Variants in PLS1 observed in about 807,000 individuals in gnomAD.
The protein encoded by PLS1 is plastin-1.
Under a neutral mutation model 73.7 loss-of-function variants are expected in PLS1, and 32 were observed. That is an observed-to-expected ratio of 0.43 (90% CI 0.33 to 0.58). The LOEUF is 0.58. Ranked by LOEUF, PLS1 falls within the 20% of genes least tolerant of loss-of-function variation. The probability of loss-of-function intolerance (pLI) is 0.04; values close to 1 mark genes in which losing one functional copy is unlikely to be tolerated. For missense variants in PLS1, 633 were observed against 740.5 expected, an observed-to-expected ratio of 0.85 and a Z score of 1.68; for synonymous variants, 217 against 261.3, an observed-to-expected ratio of 0.83 and a Z score of 1.63.
chr3:142,681,103 A>G (rs765681241), intron 6 of PLS1, among the ~76,000 whole-genome samples: 13 of 152,312 alleles, frequency 8.5e-5, no homozygotes, highest in Middle Eastern at 3.4e-3. Context: ...GAAGTGTGCT[A>G]TCTAAAAATA....
intron 1 of PLS1, among the ~76,000 whole-genome samples, chr3:142,654,402 A>G (rs371502067): frequency 1.5e-4 from 23 of 152,300 alleles, no homozygotes; most frequent in African/African-American, 4.6e-4. Flanking sequence ...CTGGAATGCA[A>G]TGGCACAATC....
At chr3:142,626,039 G>T (rs1325524786) in intron 1 of PLS1, among the ~76,000 whole-genome samples, 4 of 152,192 alleles carry the variant, frequency 2.6e-5, no homozygotes, top group Non-Finnish European at 4.4e-5. Context: ...GCTGTGTCTT[G>T]CTATGTTGCC....
intron 3 of PLS1, among the ~76,000 whole-genome samples, chr3:142,670,080 G>A (rs1344074688): frequency 6.6e-6 from 1 of 152,174 alleles, no homozygotes. Context: ...TACAGGTCCT[G>A]TGAGAGTTTG....
chr3:142,655,863 G>A (rs2037223142), intron 1 of PLS1, among the ~76,000 whole-genome samples: 1 of 152,134 alleles, frequency 6.6e-6, no homozygotes, highest in Non-Finnish European at 1.5e-5. Flanking sequence ...GATTGTCTAA[G>A]CATGTGGGAA....
intron 12 of PLS1, among the ~76,000 whole-genome samples, chr3:142,700,110 T>C (rs996479284): frequency 2.0e-5 from 3 of 152,152 alleles, no homozygotes; most frequent in African/African-American, 4.8e-5. Flanking sequence ...AGAATACTTT[T>C]TCAACAAATA....
intron 1 of PLS1, among the ~76,000 whole-genome samples, chr3:142,614,757 G>A (rs545882486): frequency 7.9e-5 from 12 of 152,242 alleles, no homozygotes; most frequent in African/African-American, 2.9e-4. Context: ...GGCGGCTATA[G>A]AGTGTGAGAC....
intron 1 of PLS1, among the ~76,000 whole-genome samples, chr3:142,604,664 G>C (rs1226544051): frequency 6.6e-6 from 1 of 152,216 alleles, no homozygotes; most frequent in Non-Finnish European, 1.5e-5. Context: ...GCCAGGTGCA[G>C]TGGCTCACGC....
At chr3:142,701,725 T>G (rs984893657) in intron 12 of PLS1, among the ~76,000 whole-genome samples, 1 of 152,224 alleles carries the variant, frequency 6.6e-6, no homozygotes, top group Non-Finnish European at 1.5e-5. Context: ...CTGAACTCCT[T>G]TCTCACCATC....
intron 1 of PLS1, among the ~76,000 whole-genome samples, chr3:142,644,378 G>C (rs1245832937): frequency 1.3e-5 from 2 of 151,976 alleles, no homozygotes; most frequent in African/African-American, 4.8e-5. Flanking sequence ...AGCCTCCTGA[G>C]TAACTAAGAC....
At chr3:142,676,327 C>G (rs1256189201) in intron 5 of PLS1, 38 bp downstream of exon 5, 6 of 1,595,366 alleles carry the variant, frequency 3.8e-6, no homozygotes, top group Non-Finnish European at 5.1e-6. Flanking sequence ...TGCGTTCTTG[C>G]TGATTACATT....
chr3:142,634,579 T>C (rs1053329707), intron 1 of PLS1, among the ~76,000 whole-genome samples: 2 of 152,062 alleles, frequency 1.3e-5, no homozygotes, highest in African/African-American at 4.8e-5. Flanking sequence ...GATAAGATAG[T>C]GGAGGAACAT....
intron 10 of PLS1, among the ~76,000 whole-genome samples, chr3:142,692,753 T>G (rs182369876): frequency 4.6e-5 from 7 of 152,210 alleles, no homozygotes; most frequent in Admixed American, 3.3e-4. Flanking sequence ...AATTAAACCA[T>G]TATGGCACTA....
Position 142,694,562 on chromosome 3 carries a change from G to T in PLS1, c.1256+15G>T. On this transcript the variant is annotated intron_variant, in intron 11 of 15. Coordinates refer to ENST00000457734, the MANE Select transcript of PLS1 (RefSeq NM_001145319.2). Reference sequence around the variant, plus strand: ...CATTTGTACAGGTAAATATTTTATTGTGCTTCAGCTTTACTGTCAGGGTCC... The same window carrying T: ...CATTTGTACAGGTAAATATTTTATTTTGCTTCAGCTTTACTGTCAGGGTCC... 2 of 1,476,574 alleles carry T rather than the reference G, an allele frequency of 1.4e-6. No individual in the cohort carries two copies. Among genetic ancestry groups the T allele is most frequent in the Non-Finnish European group, 1.9e-6 (2 of 1,057,440 alleles). 91.5% of individuals were successfully genotyped at this position (1,476,574 alleles called of 1,614,324 possible).
At chr3:142,626,997 G>A (rs1269437176) in intron 1 of PLS1, among the ~76,000 whole-genome samples, 3 of 152,194 alleles carry the variant, frequency 2.0e-5, no homozygotes, top group East Asian at 3.8e-4. Context: ...TGTGTCATGG[G>A]ATCTTGTCAT....
intron 1 of PLS1, among the ~76,000 whole-genome samples, chr3:142,659,540 T>G (rs1477194028): frequency 6.6e-6 from 1 of 152,188 alleles, no homozygotes; most frequent in South Asian, 2.1e-4. Context: ...TTCAGTTATT[T>G]GTTTGTTTTG....
In PLS1 at chr3:142,640,679, G is replaced by A. The variant is rs148462824; in HGVS notation, c.-36-23523G>A. Among the ~76,000 whole-genome samples the A allele has an allele frequency of 5.3e-5, 8 of 152,288 alleles. No homozygotes were observed. The East Asian group carries it at 1.5e-3, about 29-fold the overall frequency. On this transcript the variant is annotated intron_variant, in intron 1 of 15. Coordinates refer to ENST00000457734, the MANE Select transcript of PLS1 (RefSeq NM_001145319.2). Reference sequence around the variant, plus strand: ...AAAAATAACATGTATGGGATCTGCTGATGTGCTCAGTTTGATTGCAGCATG... The same window carrying A: ...AAAAATAACATGTATGGGATCTGCTAATGTGCTCAGTTTGATTGCAGCATG...
chr3:142,599,595 C>T (rs1199177276), intron 1 of PLS1, among the ~76,000 whole-genome samples: 3 of 152,064 alleles, frequency 2.0e-5, no homozygotes, highest in Admixed American at 6.5e-5. Context: ...TCCCAAAGTG[C>T]TGGGATTACA....
chr3:142,692,415 C>T (rs997497596), intron 10 of PLS1, among the ~76,000 whole-genome samples: 8 of 152,014 alleles, frequency 5.3e-5, no homozygotes, highest in African/African-American at 1.9e-4. Context: ...TGTCTATAAT[C>T]CAGACAACAT....
At position 142,648,802 on chromosome 3, in the gene PLS1, C is replaced by T. The variant is rs1319286711; in HGVS notation, c.-36-15400C>T. 2.0e-5 allele frequency among the ~76,000 whole-genome samples: 3 copies of T among 152,220 alleles called. No homozygotes were observed. The East Asian group carries it at 5.8e-4, about 29-fold the overall frequency. ...TTGTCTGCCATACATCCTTCTTGTT[C>T]CCTTTGTGCTTTGAAAGCACATTAT... On this transcript the variant is annotated intron_variant, in intron 1 of 15. Coordinates refer to ENST00000457734, the MANE Select transcript of PLS1 (RefSeq NM_001145319.2).
Sources: gnomAD v4.1 joint callset for allele counts (sites outside exome capture counted in the v4.1 genomes callset) on GRCh38, gnomAD v4.1.1 for gene constraint, MANE v1.5 for transcripts, NCBI Gene and HGNC (gene_info 2026-07-23, HGNC 2026-07-21) for gene names.